ARHGAP26: variants seen among roughly 807,000 people sequenced by gnomAD.
ARHGAP26 encodes the protein rho GTPase-activating protein 26.
In ARHGAP26, 38 loss-of-function variants were observed where a neutral mutation model predicts 104.8. The observed-to-expected ratio is 0.36, with a 90% CI of 0.28 to 0.48. The LOEUF is 0.48. ARHGAP26 is among the 20% of genes least tolerant of loss of function. The pLI is 0.99. For synonymous variants in ARHGAP26, 341 were observed against 340.0 expected (o/e 1.00, Z -0.03); for missense variants, 704 against 947.9 (o/e 0.74, Z 3.38).
At chr5:143,119,242 A>G (rs1305667817) in intron 17 of ARHGAP26, among the ~76,000 whole-genome samples, 1 of 152,186 alleles carries the variant, frequency 6.6e-6, no homozygotes, top group African/African-American at 2.4e-5. Flanking sequence ...CAAACCGTGT[A>G]TTTTTATATT....
rs114072890 is a variant in ARHGAP26 at position 143,107,493 on chromosome 5, G to A, written c.1539-13495G>A. Reference sequence around the variant, plus strand: ...CCCTATCTCAGCTGCCATCAGCTTGGCCTTCTTCACCCACCTTTTCTGTTG... The same window carrying A: ...CCCTATCTCAGCTGCCATCAGCTTGACCTTCTTCACCCACCTTTTCTGTTG... On this transcript the variant is annotated intron_variant, in intron 17 of 22. Transcript: ENST00000645722. Among the ~76,000 whole-genome samples the A allele has an allele frequency of 8.5e-3, 1,297 of 152,238 alleles. 18 individuals are homozygous for A. The highest frequency in any genetic ancestry group is 0.029 in the African/African-American group (1,211 of 41,536).
At chr5:143,218,436 G>A (rs1387845144) in intron 22 of ARHGAP26, among the ~76,000 whole-genome samples, 6 of 152,222 alleles carry the variant, frequency 3.9e-5, no homozygotes, top group Non-Finnish European at 8.8e-5. Flanking sequence ...TTTGTTAAAT[G>A]AGTGAATGTA....
intron 12 of ARHGAP26, among the ~76,000 whole-genome samples, chr5:143,022,359 C>T (rs1046278171): frequency 5.3e-5 from 8 of 152,242 alleles, no homozygotes; most frequent in Non-Finnish European, 8.8e-5. Context: ...AGGCATGAGC[C>T]ACTGCGCCTG....
chr5:143,054,312 A>T (rs75093635), intron 14 of ARHGAP26, 127 bp from the exon 15 acceptor site: 34,175 of 585,272 alleles, frequency 0.058, 5,612 homozygotes, highest in East Asian at 0.49. Context: ...AGGTAAAAAA[A>T]ATACTTGTCA....
chr5:143,042,755 G>T (rs1783668319), intron 14 of ARHGAP26, among the ~76,000 whole-genome samples: 1 of 152,160 alleles, frequency 6.6e-6, no homozygotes, highest in Admixed American at 6.5e-5. Context: ...TCTGAAAATA[G>T]CTTTCTTGTG....
At chr5:142,894,193 T>A in intron 5 of ARHGAP26, 45 bp from the exon 6 acceptor site, 1 of 1,544,372 alleles carries the variant, frequency 6.5e-7, no homozygotes, top group South Asian at 1.1e-5. Context: ...ATGCTATCCT[T>A]GGGTAGTGAC....
At chr5:142,872,443 C>G (rs972982495) in intron 1 of ARHGAP26, among the ~76,000 whole-genome samples, 1 of 152,090 alleles carries the variant, frequency 6.6e-6, no homozygotes, top group Non-Finnish European at 1.5e-5. Context: ...ATGAGGGAAC[C>G]ATGTATGAGG....
chr5:142,961,233 G>A (rs1476059188), intron 11 of ARHGAP26, among the ~76,000 whole-genome samples: 1 of 152,178 alleles, frequency 6.6e-6, no homozygotes, highest in Non-Finnish European at 1.5e-5. Context: ...GCTCATGCCT[G>A]TAATCTCAGC....
chr5:143,084,707 A>G (rs1371849873), intron 17 of ARHGAP26, among the ~76,000 whole-genome samples: 1 of 152,136 alleles, frequency 6.6e-6, no homozygotes, highest in Non-Finnish European at 1.5e-5. Context: ...TGTAGGGCAC[A>G]CAGTCACACC....
chr5:142,940,114 G>C (rs1319045540), intron 11 of ARHGAP26, among the ~76,000 whole-genome samples: 1 of 152,214 alleles, frequency 6.6e-6, no homozygotes, highest in Admixed American at 6.5e-5. Context: ...CCTTTGCTAT[G>C]ATGCATCCCA....
chr5:142,869,985 G>A (rs938808273), intron 1 of ARHGAP26, among the ~76,000 whole-genome samples: 54 of 152,284 alleles, frequency 3.5e-4, no homozygotes, highest in African/African-American at 1.2e-3. Context: ...ACTCTGGAAA[G>A]CAGATACTTG....
chr5:142,978,191 AG>A (rs1291021418), intron 11 of ARHGAP26, among the ~76,000 whole-genome samples: 1 of 152,186 alleles, frequency 6.6e-6, no homozygotes, highest in East Asian at 1.9e-4. Context: ...AGAGGGGCTT[AG>A]GGTTTGCCCA....
intron 5 of ARHGAP26, among the ~76,000 whole-genome samples, chr5:142,889,127 T>C (rs751691930): frequency 1.3e-5 from 2 of 152,252 alleles, no homozygotes; most frequent in African/African-American, 2.4e-5. Flanking sequence ...CATTGAGTTA[T>C]GCATTTGTTC....
At chr5:142,957,474 C>T (rs1264766619) in intron 11 of ARHGAP26, among the ~76,000 whole-genome samples, 1 of 152,134 alleles carries the variant, frequency 6.6e-6, no homozygotes, top group African/African-American at 2.4e-5. Flanking sequence ...GATATTGGTC[C>T]TCATGTTAGG....
chr5:142,969,285 C>T (rs1047667299), intron 11 of ARHGAP26: 5 of 152,178 alleles, frequency 3.3e-5, no homozygotes, highest in African/African-American at 9.7e-5. Context: ...TTCCTCTTCT[C>T]CACTAGTATA....
intron 14 of ARHGAP26, among the ~76,000 whole-genome samples, chr5:143,053,315 A>C (rs1408430089): frequency 6.6e-6 from 1 of 152,158 alleles, no homozygotes; most frequent in Non-Finnish European, 1.5e-5. Flanking sequence ...AAAAAGTAAG[A>C]AAAGGGTTGC....
At chr5:142,773,411 G>A (rs1597554131) in intron 1 of ARHGAP26, among the ~76,000 whole-genome samples, 1 of 152,068 alleles carries the variant, frequency 6.6e-6, no homozygotes, top group African/African-American at 2.4e-5. Flanking sequence ...ACTTGGTTTT[G>A]AGTGTTAATC....
intron 11 of ARHGAP26, among the ~76,000 whole-genome samples, chr5:142,978,009 T>A (rs985944945): frequency 6.6e-6 from 1 of 152,268 alleles, no homozygotes; most frequent in African/African-American, 2.4e-5. Flanking sequence ...ACCTGGTTCC[T>A]CTTGACTCCT....
At chr5:142,846,682 A>G (rs908679035) in intron 1 of ARHGAP26, among the ~76,000 whole-genome samples, 1 of 152,198 alleles carries the variant, frequency 6.6e-6, no homozygotes, top group Non-Finnish European at 1.5e-5. Context: ...AAAGAGACTT[A>G]CATTTTGTGC....
Sources: gnomAD v4.1 joint callset for allele counts (sites outside exome capture counted in the v4.1 genomes callset) on GRCh38, gnomAD v4.1.1 for gene constraint, MANE v1.5 for transcripts, NCBI Gene and HGNC (gene_info 2026-07-23, HGNC 2026-07-21) for gene names.